ACE: variants seen among roughly 807,000 people sequenced by gnomAD.
The protein encoded by ACE is angiotensin-converting enzyme.
ACE carries 122 observed loss-of-function variants against 162.3 expected under a neutral mutation model. The ratio of observed to expected loss-of-function variants is 0.75; its 90% confidence interval spans 0.65 to 0.87. The LOEUF (loss-of-function observed/expected upper bound fraction) is 0.87, where lower values mean the gene tolerates loss of function less well. Ranked by LOEUF, ACE falls within the 40% of genes least tolerant of loss-of-function variation. ACE has a pLI of 0.00. For synonymous variants in ACE, 796 were observed against 720.6 expected (o/e 1.10, Z -1.68); for missense variants, 1,799 against 1,735.1 (o/e 1.04, Z -0.65).
Position 63,484,601 on chromosome 17 carries a change from C to A in ACE, c.1921+60C>A. 6.5e-7 allele frequency: 1 copy of A among 1,539,948 alleles called. No homozygotes were observed. Among genetic ancestry groups the A allele is most frequent in the South Asian group, 1.2e-5 (1 of 83,024 alleles). On this transcript the variant is annotated intron_variant, in intron 12 of 24. Coordinates refer to ENST00000290866, the MANE Select transcript of ACE (RefSeq NM_000789.4). This position sits in a 1 kb window ranked among gnomAD's most constrained non-coding sequence, Gnocchi z 4.0. ...GTGGGTCCTCAACTCTGGGCTTGGC[C>A]CAGGCCCCAGGTTCCTGGTCAGCTC... is the stretch of plus-strand genomic sequence containing the variant.
Position 63,492,409 on chromosome 17 carries a change from C to A in ACE, c.2913-1027C>A, listed in dbSNP as rs374044617. Among the ~76,000 whole-genome samples, 80 of 152,334 alleles carry A rather than the reference C, an allele frequency of 5.3e-4. No homozygotes were observed. In the South Asian group the frequency reaches 0.016, roughly 31 times the overall value. On this transcript the variant is annotated intron_variant, in intron 19 of 24. Coordinates refer to ENST00000290866, the MANE Select transcript of ACE (RefSeq NM_000789.4). Reference sequence around the variant, plus strand: ...GTCACAGCTGAAGAAGTGTCTCTTACAAGGAGAACAGACACGGGGAGCCTG... The same window carrying A: ...GTCACAGCTGAAGAAGTGTCTCTTAAAAGGAGAACAGACACGGGGAGCCTG...
chr17:63,484,010 G>C lies in ACE; in HGVS notation c.1709+39G>C. 6.3e-7 allele frequency: 1 copy of C among 1,582,366 alleles called. No individual in the cohort carries two copies. ...AGCCGGGGGAAGTGGGAGGCAGAGA[G>C]GAGCGGCTGGCAAAGGGTGTGGCAG... On this transcript the variant is annotated intron_variant, in intron 11 of 24. Transcript: ENST00000290866. The surrounding 1 kb of genome is among the most constrained non-coding windows in gnomAD (Gnocchi z 4.0).
intron 1 of ACE, 178 bp from the exon 2 acceptor site, chr17:63,477,753 C>A: frequency 1.4e-6 from 1 of 710,774 alleles, no homozygotes. Flanking sequence ...GAGGCAGATT[C>A]CCTCCAGAAG....
chr17:63,485,052 C>T, intron 12 of ACE, 184 bp from the exon 13 acceptor site: 1 of 1,609,234 alleles, frequency 6.2e-7, no homozygotes, highest in Non-Finnish European at 8.5e-7. Flanking sequence ...CACCAGACAT[C>T]AGCCCAGAGC....
Position 63,479,125 on chromosome 17 carries a change from C to T in ACE, c.511+25C>T, listed in dbSNP as rs758119526. 76 of 1,571,022 alleles carry T rather than the reference C, an allele frequency of 4.8e-5. No homozygotes were observed. In the East Asian group the frequency reaches 4.9e-4, roughly 10 times the overall value. On this transcript the variant is annotated intron_variant, in intron 3 of 24. Coordinates refer to ENST00000290866, the MANE Select transcript of ACE (RefSeq NM_000789.4). The stretch of plus-strand genomic sequence containing the variant: ...GGTACGGCCCTTGCAGCTCCCCTCT[C>T]GGCGGTGCCCTAGTGTTCCCACATT...
rs564871195 is a variant in ACE, at chr17:63,484,791, C to G, written c.1921+250C>G. ...CTTCCAGAGGAAGCCAGACACAAGGCTCTGTGAGGTCACACTGCGGGCTCC... is the reference window on the plus strand; with the variant it reads ...CTTCCAGAGGAAGCCAGACACAAGGGTCTGTGAGGTCACACTGCGGGCTCC... On this transcript the variant is annotated intron_variant, in intron 12 of 24. Transcript: ENST00000290866. This position sits in a 1 kb window ranked among gnomAD's most constrained non-coding sequence, Gnocchi z 4.0. The G allele has an allele frequency of 2.7e-6, 4 of 1,491,930 alleles. No individual in the cohort carries two copies. The South Asian group carries it at 5.3e-5, about 20-fold the overall frequency. The allele number at this position is 1,491,930 out of a possible 1,614,324, so 92.4% of individuals were successfully genotyped here.
chr17:63,480,581 G>GGT (rs1374552055), intron 5 of ACE, 53 bp downstream of exon 5: 1 of 1,597,450 alleles, frequency 6.3e-7, no homozygotes, highest in Non-Finnish European at 8.6e-7. Context: ...TGGGTCCCGA[G>GGT]GTAGGGGTGG....
intron 4 of ACE, 107 bp from the exon 5 acceptor site, chr17:63,480,230 A>G (rs1457211915): frequency 2.4e-6 from 3 of 1,238,632 alleles, no homozygotes; most frequent in African/African-American, 3.0e-5. Flanking sequence ...TTTTCCAGCT[A>G]GCTGCAGATC....
rs1353820526 is a variant in ACE, at chr17:63,486,718, G to A, written c.2217+3G>A. 9.3e-6 allele frequency: 15 copies of A among 1,614,070 alleles called. No individual in the cohort carries two copies. In the Admixed American group the frequency reaches 2.5e-4, roughly 27 times the overall value. The stretch of plus-strand genomic sequence containing the variant: ...TGCCTGCCCAGGAGCTGGAGGAGGT[G>A]TGTGGCTCGCAAGGTACAGGGAGAG... On this transcript the variant is annotated splice_donor_region_variant and intron_variant, in intron 14 of 24. Coordinates refer to ENST00000290866, the MANE Select transcript of ACE (RefSeq NM_000789.4).
chr17:63,485,480 A>ATTTATTTTTTTTT, intron 13 of ACE, 108 bp downstream of exon 13: 1 of 1,508,650 alleles, frequency 6.6e-7, no homozygotes, highest in African/African-American at 1.4e-5. Flanking sequence ...TTGAATATTT[A>ATTTATTTTTTTTT]AAACAATACT....
At chr17:63,478,751 T>C (rs2049659260) in intron 2 of ACE, 1 of 564,458 alleles carries the variant, frequency 1.8e-6, no homozygotes, top group Non-Finnish European at 3.2e-6. Context: ...TGCAGGGTGG[T>C]GCCAAGCTGG....
In ACE at chr17:63,496,416, C is replaced by A. The variant is rs749711522; in HGVS notation, c.3403C>A (p.Gln1135Lys). 71 of 1,613,982 alleles carry A rather than the reference C, an allele frequency of 4.4e-5. No individual in the cohort carries two copies. Among genetic ancestry groups the A allele is most frequent in the South Asian group, 1.2e-4 (11 of 91,056 alleles). ...YIRYFVSFII[Q>K]FQFHEALCQA... ...CAGGTACTTTGTCAGCTTCATCATCCAGTTCCAGTTCCACGAGGCACTGTG... is the reference window on the plus strand; with the variant it reads ...CAGGTACTTTGTCAGCTTCATCATCAAGTTCCAGTTCCACGAGGCACTGTG... Residue 1135 changes from glutamine (Q) to lysine (K), a missense_variant, in exon 23 of 25, where the codon CAG becomes AAG. By Grantham distance (53) the Gln-to-Lys change is moderately conservative. Transcript: ENST00000290866.
In ACE at chr17:63,496,285, C is replaced by T. The variant is rs550774700; in HGVS notation, c.3381-109C>T. 1.1e-3 allele frequency: 1,652 copies of T among 1,536,432 alleles called. 1 individual carries two copies. The highest frequency in any genetic ancestry group is 1.4e-3 in the Non-Finnish European group (1,554 of 1,113,780). ...GTTGGGGGGCCTTGGCTCTGCTGTG[C>T]GCATGTGACTTAGCACACATCACAT... On this transcript the variant is annotated intron_variant, in intron 22 of 24. Transcript: ENST00000290866.
rs140086153 is a variant in ACE at position 63,484,387 on chromosome 17, C to A, written c.1767C>A (p.Val589=). The change falls in exon 12 of 25, where the codon GTC becomes GTA. Residue 589 remains valine (V), a synonymous_variant. Transcript: ENST00000290866. This position sits in a 1 kb window ranked among gnomAD's most constrained non-coding sequence, Gnocchi z 4.0. ...GGCAGGAGGTGCTGAAGGACATGGT[C>A]GGCTTAGATGCCCTGGATGCCCAGC... ...RPWQEVLKDM[V]GLDALDAQPL... is the part of the protein sequence containing the mutation. 4.3e-6 allele frequency: 7 copies of A among 1,611,786 alleles called. No individual in the cohort carries two copies. Among genetic ancestry groups the A allele is most frequent in the Admixed American group, 1.7e-5 (1 of 59,940 alleles).
In ACE at chr17:63,496,694, T is replaced by G. The variant is rs1326270994; in HGVS notation, c.3504-104T>G. ...TTAGGCACCTGGAGCCCTGGGGCCC[T>G]GGGACAAGTTTCAGCTGGGAGTGGG... On this transcript the variant is annotated intron_variant, in intron 23 of 24. Transcript: ENST00000290866. The G allele has an allele frequency of 6.9e-6, 11 of 1,584,706 alleles. No homozygotes were observed. The Admixed American group carries it at 8.4e-5, about 12-fold the overall frequency.
intron 5 of ACE, 51 bp downstream of exon 5, chr17:63,480,579 G>C: frequency 6.2e-7 from 1 of 1,600,450 alleles, no homozygotes; most frequent in Non-Finnish European, 8.5e-7. Context: ...TGTGGGTCCC[G>C]AGGTAGGGGT....
At chr17:63,483,232 G>T in intron 9 of ACE, 59 bp downstream of exon 9, 3 of 1,611,446 alleles carry the variant, frequency 1.9e-6, no homozygotes, top group Non-Finnish European at 2.5e-6. Context: ...CTCCTGGACA[G>T]CCAGGCGCCT....
Position 63,497,598 on chromosome 17 carries a change from A to G in ACE, c.*232A>G, listed in dbSNP as rs1245617724. 2.9e-6 allele frequency: 2 copies of G among 699,334 alleles called. No homozygotes were observed. Among genetic ancestry groups the G allele is most frequent in the Non-Finnish European group, 5.2e-6 (2 of 383,520 alleles). The allele number at this position is 699,334 out of a possible 1,614,324, so 43.3% of individuals were successfully genotyped here. A position where few individuals can be genotyped will look rare whatever the true frequency, so the allele number is the denominator to read the frequency against. On this transcript the variant is annotated 3_prime_UTR_variant, in exon 25 of 25. Coordinates refer to ENST00000290866, the MANE Select transcript of ACE (RefSeq NM_000789.4). ...CCTCTCCAAGTCTCTCTGTGAATAC[A>G]ATTAAAGGTCCTGCCCTCCCCATCT...
At position 63,483,567 on chromosome 17, in the gene ACE, G is replaced by GCGGGGGGCCC; in HGVS notation, c.1586+10_1586+11insGGGGGGCCCC. 5.0e-6 allele frequency: 8 copies of GCGGGGGGCCC among 1,589,494 alleles called. No individual in the cohort carries two copies. The highest frequency in any genetic ancestry group is 6.9e-6 in the Non-Finnish European group (8 of 1,165,622). On this transcript the variant is annotated intron_variant, in intron 10 of 24. Transcript: ENST00000290866. ...GTGACACCATACATCAGGTATTAGC[G>GCGGGGGGCCC]CCCCCACCCCACCCACCCCCAGTAC...
Sources: gnomAD v4.1 joint callset for allele counts (sites outside exome capture counted in the v4.1 genomes callset) on GRCh38, gnomAD v4.1.1 for gene constraint, Gnocchi (gnomAD v3.1) non-coding constraint, MANE v1.5 for transcripts, NCBI Gene and HGNC (gene_info 2026-07-23, HGNC 2026-07-21) for gene names.